The following TNR variants were observed in gnomAD, a reference collection of about 807,000 sequenced individuals.
The protein encoded by TNR is tenascin-R.
In TNR, 45 loss-of-function variants were observed where a neutral mutation model predicts 150.4. That is an observed-to-expected ratio of 0.30 (90% CI 0.24 to 0.38). The LOEUF is 0.38. Ranked by LOEUF, TNR falls within the 10% of genes least tolerant of loss-of-function variation. The pLI is 1.00. For synonymous variants in TNR, 687 were observed against 678.4 expected (o/e 1.01, Z -0.20); for missense variants, 1,544 against 1,759.1 (o/e 0.88, Z 2.19).
chr1:175,537,090 G>A (rs1204924958), intron 1 of TNR, among the ~76,000 whole-genome samples: 1 of 152,172 alleles, frequency 6.6e-6, no homozygotes, highest in Non-Finnish European at 1.5e-5. Context: ...ATTACCAGGA[G>A]GCTTTGGTGC....
intron 1 of TNR, among the ~76,000 whole-genome samples, chr1:175,663,112 G>A (rs1665426521): frequency 6.6e-6 from 1 of 152,186 alleles, no homozygotes; most frequent in African/African-American, 2.4e-5. Flanking sequence ...GCTCCCGGTT[G>A]CCTGGGCCTT....
intron 2 of TNR, among the ~76,000 whole-genome samples, chr1:175,507,603 CA>C (rs11363178): frequency 0.016 from 2,386 of 152,114 alleles, 69 homozygotes; most frequent in African/African-American, 0.054. Context: ...TATATAGCCT[CA>C]ACCTTATTCT....
At chr1:175,708,468 C>T (rs1311958070) in intron 1 of TNR, among the ~76,000 whole-genome samples, 1 of 152,212 alleles carries the variant, frequency 6.6e-6, no homozygotes. Flanking sequence ...AACGTCTGTA[C>T]CATGCAAGAG....
intron 1 of TNR, among the ~76,000 whole-genome samples, chr1:175,742,567 G>T (rs1414191451): frequency 6.6e-6 from 1 of 152,084 alleles, no homozygotes; most frequent in Admixed American, 6.5e-5. Flanking sequence ...AGTCAGAAGG[G>T]ACCTCAACCC....
chr1:175,698,879 A>G (rs1666608427), intron 1 of TNR, among the ~76,000 whole-genome samples: 1 of 152,136 alleles, frequency 6.6e-6, no homozygotes, highest in South Asian at 2.1e-4. Flanking sequence ...GCCTTCTATC[A>G]TAACAACTTT....
chr1:175,355,712 TTG>T, intron 16 of TNR, 79 bp from the exon 17 acceptor site: 1 of 1,585,786 alleles, frequency 6.3e-7, no homozygotes, highest in Non-Finnish European at 8.6e-7. Flanking sequence ...TGGGTATCTG[TTG>T]CCCACCTCTT....
At chr1:175,586,743 A>G (rs1662591562) in intron 1 of TNR, among the ~76,000 whole-genome samples, 1 of 152,228 alleles carries the variant, frequency 6.6e-6, no homozygotes, top group Non-Finnish European at 1.5e-5. Context: ...TGGTGAGAAG[A>G]GTCACAGAGC....
Position 175,542,414 on chromosome 1 carries a change from T to C in TNR, c.-164-14045A>G, listed in dbSNP as rs554432272. Among the ~76,000 whole-genome samples, 20 of 152,348 alleles carry C rather than the reference T, an allele frequency of 1.3e-4. No individual in the cohort carries two copies. The East Asian group carries it at 2.7e-3, about 21-fold the overall frequency. On this transcript the variant is annotated intron_variant, in intron 1 of 22. Coordinates refer to ENST00000367674, the MANE Select transcript of TNR (RefSeq NM_003285.3). ...TCTCATCATGTAGCTGCCCCTGCTA[T>C]GAGGAAACCTTCTAATCTGAGTGAC...
intron 1 of TNR, among the ~76,000 whole-genome samples, chr1:175,555,515 G>GGAAAA (rs771916145): frequency 0.01 from 1,342 of 127,868 alleles, 10 homozygotes; most frequent in South Asian, 0.015. Context: ...ACAACTGAGA[G>GGAAAA]AAAAAAAAAA....
chr1:175,418,720 GAGAA>G (rs1158626080), intron 2 of TNR, among the ~76,000 whole-genome samples: 6 of 146,854 alleles, frequency 4.1e-5, no homozygotes, highest in Admixed American at 6.8e-5. Flanking sequence ...GAGAGAGAGA[GAGAA>G]AAAAAAAAAA....
chr1:175,375,858 T>C (rs3753089), intron 9 of TNR, among the ~76,000 whole-genome samples: 39,574 of 152,124 alleles, frequency 0.26, 5,818 homozygotes, highest in East Asian at 0.51. Flanking sequence ...GGCTCCATCC[T>C]AAGTTCTTGA....
At chr1:175,661,255 C>T (rs1436329851) in intron 1 of TNR, among the ~76,000 whole-genome samples, 3 of 152,228 alleles carry the variant, frequency 2.0e-5, no homozygotes, top group Non-Finnish European at 2.9e-5. Context: ...AGAAGCATCT[C>T]AGGCATTCCA....
chr1:175,374,022 C>A (rs1365159381), intron 9 of TNR, among the ~76,000 whole-genome samples: 3 of 152,338 alleles, frequency 2.0e-5, no homozygotes, highest in Non-Finnish European at 4.4e-5. Context: ...GGAGGCTGAG[C>A]ACTGTCTGGC....
chr1:175,643,349 T>C (rs72725482), intron 1 of TNR, among the ~76,000 whole-genome samples: 6,477 of 151,960 alleles, frequency 0.043, 146 homozygotes, highest in African/African-American at 0.052. Context: ...GAATCAGGAG[T>C]TTTTGGCTTT....
At chr1:175,671,838 CG>C (rs1252779117) in intron 1 of TNR, among the ~76,000 whole-genome samples, 2 of 151,932 alleles carry the variant, frequency 1.3e-5, no homozygotes. Context: ...CATAATTACT[CG>C]GGCAGCCCAA....
intron 2 of TNR, among the ~76,000 whole-genome samples, chr1:175,481,287 T>C (rs771703882): frequency 7.9e-5 from 12 of 152,214 alleles, no homozygotes; most frequent in African/African-American, 2.2e-4. Context: ...GATTTAAGTA[T>C]GTGGTAATAC....
chr1:175,323,673 G>A (rs1298696501), intron 22 of TNR, among the ~76,000 whole-genome samples, 197 bp from the exon 23 acceptor site: 3 of 152,198 alleles, frequency 2.0e-5, no homozygotes, highest in Non-Finnish European at 4.4e-5. Flanking sequence ...AAATGTGCCG[G>A]TGGCCTGGGT....
intron 4 of TNR, among the ~76,000 whole-genome samples, chr1:175,400,168 C>T (rs1042397415): frequency 3.3e-5 from 5 of 152,284 alleles, no homozygotes; most frequent in African/African-American, 9.6e-5. Context: ...CTACCTCTGA[C>T]GTCTCATTTT....
intron 2 of TNR, among the ~76,000 whole-genome samples, chr1:175,471,912 C>T (rs1285540396): frequency 6.6e-6 from 1 of 151,752 alleles, no homozygotes; most frequent in African/African-American, 2.4e-5. Context: ...TTTTTAGATC[C>T]CCATTTCTTA....
Sources: allele counts gnomAD v4.1 joint callset (sites outside exome capture counted in the v4.1 genomes callset), GRCh38; gene constraint gnomAD v4.1.1; transcripts MANE v1.5; gene names NCBI Gene and HGNC (gene_info 2026-07-23, HGNC 2026-07-21).